The following GRIN2B variants were observed in gnomAD, a reference collection of about 807,000 sequenced individuals.
The protein encoded by GRIN2B is glutamate ionotropic receptor NMDA type subunit 2B.
A neutral mutation model predicts 114.5 loss-of-function variants in GRIN2B; 5 were observed. The ratio of observed to expected loss-of-function variants is 0.04; its 90% CI spans 0.02 to 0.09. The LOEUF (loss-of-function observed/expected upper bound fraction) is 0.09, where lower values mean the gene tolerates loss of function less well. GRIN2B is among the 10% of genes least tolerant of loss of function. The pLI is 1.00. For missense variants in GRIN2B, 1,108 were observed against 1,943.5 expected (o/e 0.57, Z 8.08); for synonymous variants, 787 against 745.1 (o/e 1.06, Z -0.92).
At chr12:13,698,412 A>G (rs146286528) in intron 4 of GRIN2B, among the ~76,000 whole-genome samples, 1 of 152,342 alleles carries the variant, frequency 6.6e-6, no homozygotes, top group African/African-American at 2.4e-5. Flanking sequence ...CTTTGATAGT[A>G]TAATTTCAAT....
chr12:13,764,937 CA>C (rs1863752337), intron 3 of GRIN2B, among the ~76,000 whole-genome samples: 1 of 152,218 alleles, frequency 6.6e-6, no homozygotes, highest in South Asian at 2.1e-4. Flanking sequence ...GAATCCTTCA[CA>C]ATGGGGCCTC....
chr12:13,966,576 A>G (rs984623711), intron 2 of GRIN2B, among the ~76,000 whole-genome samples: 16 of 152,202 alleles, frequency 1.1e-4, no homozygotes, highest in Non-Finnish European at 2.2e-4. Flanking sequence ...TGCCAGATGT[A>G]ATTTGATGAG....
intron 4 of GRIN2B, among the ~76,000 whole-genome samples, chr12:13,705,228 T>C (rs1319759894): frequency 6.6e-6 from 1 of 152,178 alleles, no homozygotes; most frequent in East Asian, 1.9e-4. Flanking sequence ...ATTATCTCCC[T>C]AACTTCTCCA....
In GRIN2B at chr12:13,864,697, G is replaced by A. The variant is rs542462365; in HGVS notation, c.411+1101C>T. Among the ~76,000 whole-genome samples the A allele has an allele frequency of 2.6e-5, 4 of 152,290 alleles. No homozygotes were observed. In the East Asian group the frequency reaches 5.8e-4, roughly 22 times the overall value. The stretch of plus-strand genomic sequence containing the variant: ...GCAGAATAAAACGCTTTTTTCTGCA[G>A]TTAGGGAATAAGCCCCAGTGTCAAG... On this transcript the variant is annotated intron_variant, in intron 3 of 13. Transcript: ENST00000609686.
chr12:13,758,649 G>T (rs1170943556), intron 3 of GRIN2B, among the ~76,000 whole-genome samples: 3 of 152,210 alleles, frequency 2.0e-5, no homozygotes, highest in Admixed American at 2.0e-4. Context: ...ATTTTTGCCA[G>T]TACATGGGCT....
intron 9 of GRIN2B, among the ~76,000 whole-genome samples, chr12:13,610,875 T>C (rs894812608): frequency 6.6e-6 from 1 of 152,202 alleles, no homozygotes; most frequent in Non-Finnish European, 1.5e-5. Context: ...AGATGCCCCA[T>C]AGATCATTCT....
rs1440435387 is a variant in GRIN2B, at chr12:13,557,811, G to C, written c.*4972C>G. 1 of 152,100 alleles carries C rather than the reference G, an allele frequency of 6.6e-6. No homozygotes were observed. Among genetic ancestry groups the C allele is most frequent in the East Asian group, 1.9e-4 (1 of 5,188 alleles). 9.4% of individuals were successfully genotyped at this position (152,100 alleles called of 1,614,324 possible). On this transcript the variant is annotated 3_prime_UTR_variant, in exon 14 of 14. Coordinates refer to ENST00000609686, the MANE Select transcript of GRIN2B (RefSeq NM_000834.5). ...CTCTTGTATCATAACTTATTCCCAG[G>C]AAAAGGAGTGAGATTCCTAATGTAA...
intron 2 of GRIN2B, among the ~76,000 whole-genome samples, chr12:13,974,161 C>T (rs947072502): frequency 2.0e-5 from 3 of 152,230 alleles, no homozygotes. Context: ...GCTGGTCCTT[C>T]ATTCTGAGTA....
chr12:13,645,673 C>CT (rs145479200), intron 5 of GRIN2B, among the ~76,000 whole-genome samples: 23 of 148,936 alleles, frequency 1.5e-4, no homozygotes, highest in South Asian at 4.3e-4. Flanking sequence ...CCTCCTCTTC[C>CT]TTTTTTTTTT....
chr12:13,666,706 C>G (rs1431029411), intron 5 of GRIN2B, among the ~76,000 whole-genome samples: 1 of 151,992 alleles, frequency 6.6e-6, no homozygotes, highest in Non-Finnish European at 1.5e-5. Flanking sequence ...TGTTTCTGGC[C>G]AGCTCTCATA....
At chr12:13,832,526 G>C (rs1272278574) in intron 3 of GRIN2B, among the ~76,000 whole-genome samples, 1 of 152,156 alleles carries the variant, frequency 6.6e-6, no homozygotes, top group African/African-American at 2.4e-5. Flanking sequence ...TCAGTGTCTA[G>C]TATAGTGTCT....
intron 5 of GRIN2B, among the ~76,000 whole-genome samples, chr12:13,655,287 C>T (rs1949852125): frequency 6.6e-6 from 1 of 152,138 alleles, no homozygotes; most frequent in East Asian, 1.9e-4. Flanking sequence ...AGCTTGTTCT[C>T]CTAACCTACC....
intron 3 of GRIN2B, among the ~76,000 whole-genome samples, chr12:13,778,927 T>C (rs1864054608): frequency 2.9e-5 from 1 of 34,766 alleles, no homozygotes; most frequent in African/African-American, 1.1e-4. Flanking sequence ...AATTAACCCC[T>C]TCAAATGACC....
chr12:13,691,699 T>C (rs1301616774), intron 4 of GRIN2B, among the ~76,000 whole-genome samples: 2 of 152,100 alleles, frequency 1.3e-5, no homozygotes, highest in South Asian at 2.1e-4. Context: ...GTAGAAGAGA[T>C]AGAAATGTGA....
At chr12:13,570,099 G>T in intron 11 of GRIN2B, 82 bp from the exon 12 acceptor site, 1 of 951,682 alleles carries the variant, frequency 1.1e-6, no homozygotes, top group East Asian at 2.5e-5. Flanking sequence ...TGAAGCAGTA[G>T]GGTTCCAGAA....
At chr12:13,926,890 T>C (rs1420780460) in intron 2 of GRIN2B, among the ~76,000 whole-genome samples, 1 of 151,458 alleles carries the variant, frequency 6.6e-6, no homozygotes, top group African/African-American at 2.4e-5. Flanking sequence ...GAGGTGGAGC[T>C]TGCAGTGAGC....
At chr12:13,725,384 G>A (rs906957395) in intron 4 of GRIN2B, among the ~76,000 whole-genome samples, 5 of 152,072 alleles carry the variant, frequency 3.3e-5, no homozygotes, top group Non-Finnish European at 5.9e-5. Context: ...ACTGTATTTG[G>A]TGAGTTCACA....
intron 3 of GRIN2B, among the ~76,000 whole-genome samples, chr12:13,849,577 G>A (rs369358715): frequency 1.4e-4 from 22 of 152,216 alleles, no homozygotes; most frequent in African/African-American, 4.6e-4. Context: ...TGGGGGAAAG[G>A]TTCTGGCAGA....
chr12:13,925,447 G>A (rs982786793), intron 2 of GRIN2B, among the ~76,000 whole-genome samples: 1 of 152,190 alleles, frequency 6.6e-6, no homozygotes, highest in African/African-American at 2.4e-5. Flanking sequence ...GATGTTTACT[G>A]ACAGAATCTT....
Sources: allele counts gnomAD v4.1 joint callset (sites outside exome capture counted in the v4.1 genomes callset), GRCh38; gene constraint gnomAD v4.1.1; transcripts MANE v1.5; gene names NCBI Gene and HGNC (gene_info 2026-07-23, HGNC 2026-07-21).